SLC39A11: variants seen among roughly 807,000 people sequenced by gnomAD.
SLC39A11 encodes the protein solute carrier family 39 member 11.
A neutral mutation model predicts 36.1 loss-of-function variants in SLC39A11; 33 were observed. That is an observed-to-expected ratio of 0.91 (90% CI 0.69 to 1.22). SLC39A11 has a LOEUF of 1.22. SLC39A11 is among the 50% of genes most tolerant of loss of function. The pLI is 0.00. For synonymous variants in SLC39A11, 166 were observed against 170.3 expected, an observed-to-expected ratio of 0.97 and a Z score of 0.20; for missense variants, 432 against 430.3, an observed-to-expected ratio of 1.00 and a Z score of -0.03.
rs56021607 is a variant in SLC39A11 at position 73,062,475 on chromosome 17, A to AAAAAAACAAAAAAAAAAAAAC, written c.147+22332_147+22333insGTTTTTTTTTTTTTGTTTTTT. ...AGAGCTTGTCTCAAAAAAAAAAAAA[A>AAAAAAACAAAAAAAAAAAAAC]AAACTTTAGGTGATACACTTCTGCT... On this transcript the variant is annotated intron_variant, in intron 3 of 9. Coordinates refer to ENST00000255559, the MANE Select transcript of SLC39A11 (RefSeq NM_139177.4). Among the ~76,000 whole-genome samples the AAAAAAACAAAAAAAAAAAAAC allele has an allele frequency of 9.2e-4, 80 of 87,046 alleles. 9 individuals are homozygous for AAAAAAACAAAAAAAAAAAAAC. The highest frequency in any genetic ancestry group is 1.5e-3 in the Non-Finnish European group (69 of 46,910). 57.1% of individuals were successfully genotyped at this position (87,046 alleles called of 152,430 possible).
At chr17:72,879,663 G>A (rs1383898089) in intron 5 of SLC39A11, among the ~76,000 whole-genome samples, 1 of 152,196 alleles carries the variant, frequency 6.6e-6, no homozygotes, top group Admixed American at 6.5e-5. Context: ...ATTATAGTTA[G>A]GCATGACCAG....
intron 4 of SLC39A11, among the ~76,000 whole-genome samples, chr17:73,029,574 C>A (rs189720942): frequency 6.6e-6 from 1 of 151,876 alleles, no homozygotes; most frequent in Admixed American, 6.6e-5. Context: ...GAGACAGACA[C>A]GGCCACTCAA....
chr17:72,948,063 T>C (rs2085549536), intron 4 of SLC39A11, among the ~76,000 whole-genome samples, 188 bp from the exon 5 acceptor site: 1 of 152,164 alleles, frequency 6.6e-6, no homozygotes, highest in Non-Finnish European at 1.5e-5. Context: ...TTTCCAGGTA[T>C]AGGACTTTAG....
chr17:72,900,136 AAGAAAAAG>A (rs1343353936), intron 5 of SLC39A11, among the ~76,000 whole-genome samples: 970 of 93,660 alleles, frequency 0.01, 183 homozygotes, highest in African/African-American at 0.071. Context: ...GAAAGAAAGA[AAGAAAAAG>A]AAAGAAAGAA....
At position 73,056,224 on chromosome 17, in the gene SLC39A11, A is replaced by G. The variant is rs1403279332; in HGVS notation, c.148-24510T>C. Among the ~76,000 whole-genome samples, 6 of 151,672 alleles carry G rather than the reference A, an allele frequency of 4.0e-5. No individual in the cohort carries two copies. In the East Asian group the frequency reaches 1.2e-3, roughly 30 times the overall value. ...CGCTCTGTCACCCAGGCTGGAGTACAGTGGAATAATCTTGGCTCAATGTAA... is the reference window on the plus strand; with the variant it reads ...CGCTCTGTCACCCAGGCTGGAGTACGGTGGAATAATCTTGGCTCAATGTAA... On this transcript the variant is annotated intron_variant, in intron 3 of 9. Coordinates refer to ENST00000255559, the MANE Select transcript of SLC39A11 (RefSeq NM_139177.4).
At chr17:72,815,488 G>A (rs1472987084) in intron 6 of SLC39A11, among the ~76,000 whole-genome samples, 2 of 152,036 alleles carry the variant, frequency 1.3e-5, no homozygotes, top group Non-Finnish European at 2.9e-5. Context: ...ATGGTGGCAG[G>A]TGCCTGTAAT....
At chr17:72,676,031 G>C (rs1033616760) in intron 7 of SLC39A11, among the ~76,000 whole-genome samples, 14 of 150,970 alleles carry the variant, frequency 9.3e-5, no homozygotes, top group Admixed American at 3.3e-4. Context: ...CTAAAGGTGG[G>C]TTACAAGCCC....
intron 6 of SLC39A11, among the ~76,000 whole-genome samples, chr17:72,815,061 G>C (rs1298694620): frequency 6.6e-6 from 1 of 152,182 alleles, no homozygotes; most frequent in Admixed American, 6.5e-5. Flanking sequence ...AGGCTGCCAA[G>C]GCTAAAGCAA....
At chr17:72,682,015 C>T (rs2071529860) in intron 7 of SLC39A11, among the ~76,000 whole-genome samples, 1 of 152,086 alleles carries the variant, frequency 6.6e-6, no homozygotes, top group Non-Finnish European at 1.5e-5. Flanking sequence ...CCCCATCACT[C>T]ACATTACCAC....
rs956859561 is a variant in SLC39A11, at chr17:72,648,971, G to A, written c.771-10C>T. 1.2e-6 allele frequency: 2 copies of A among 1,608,162 alleles called. No individual in the cohort carries two copies. Among genetic ancestry groups the A allele is most frequent in the African/African-American group, 1.3e-5 (1 of 74,896 alleles). On this transcript the variant is annotated splice_polypyrimidine_tract_variant and intron_variant, in intron 8 of 9. Transcript: ENST00000255559. ...GCTCAGCTGCCCATACCTAAGGAGAGAACAGAGACATTTACCACCGCAGGG... is the reference window on the plus strand; with the variant it reads ...GCTCAGCTGCCCATACCTAAGGAGAAAACAGAGACATTTACCACCGCAGGG...
intron 5 of SLC39A11, among the ~76,000 whole-genome samples, chr17:72,863,177 C>T (rs2080131395): frequency 6.6e-6 from 1 of 152,130 alleles, no homozygotes; most frequent in Non-Finnish European, 1.5e-5. Flanking sequence ...GGACCTCTTG[C>T]TAACTGTTTA....
At chr17:72,710,990 C>T (rs2073085582) in intron 7 of SLC39A11, among the ~76,000 whole-genome samples, 1 of 152,178 alleles carries the variant, frequency 6.6e-6, no homozygotes, top group African/African-American at 2.4e-5. Context: ...CCTTTTAAAG[C>T]CCTTTAGTGT....
At chr17:73,082,876 C>T (rs926369071) in intron 3 of SLC39A11, among the ~76,000 whole-genome samples, 1 of 151,758 alleles carries the variant, frequency 6.6e-6, no homozygotes, top group African/African-American at 2.4e-5. Context: ...ATTAGCCAGG[C>T]GTGGTGGTGC....
chr17:73,036,541 T>C (rs371400379), intron 3 of SLC39A11, among the ~76,000 whole-genome samples: 1 of 152,058 alleles, frequency 6.6e-6, no homozygotes, highest in Non-Finnish European at 1.5e-5. Context: ...CTGCCTCCCA[T>C]GTTCAAGTAA....
At chr17:72,954,300 T>G (rs557789989) in intron 4 of SLC39A11, among the ~76,000 whole-genome samples, 1 of 152,302 alleles carries the variant, frequency 6.6e-6, no homozygotes, top group East Asian at 1.9e-4. Flanking sequence ...AGGAAGGCAG[T>G]CTCTTTAATT....
At chr17:73,008,160 T>TG (rs1568114141) in intron 4 of SLC39A11, among the ~76,000 whole-genome samples, 5 of 76,930 alleles carry the variant, frequency 6.5e-5, no homozygotes, top group African/African-American at 1.5e-4. Flanking sequence ...TGTTGTTTTT[T>TG]TTTTGTTTTT....
chr17:72,973,682 C>T (rs972107403), intron 4 of SLC39A11, among the ~76,000 whole-genome samples: 1 of 152,066 alleles, frequency 6.6e-6, no homozygotes, highest in Non-Finnish European at 1.5e-5. Context: ...CTTCAGCTTC[C>T]CAAGTAGCTG....
chr17:73,063,040 G>A (rs924412784), intron 3 of SLC39A11, among the ~76,000 whole-genome samples: 1 of 152,116 alleles, frequency 6.6e-6, no homozygotes, highest in Admixed American at 6.5e-5. Flanking sequence ...GGGCCTGCTG[G>A]GGGTTGGGGG....
intron 3 of SLC39A11, among the ~76,000 whole-genome samples, chr17:73,061,604 G>T (rs534171605): frequency 6.6e-6 from 1 of 152,266 alleles, no homozygotes; most frequent in South Asian, 2.1e-4. Flanking sequence ...AATAAAACTT[G>T]TACTTGAAAG....
Sources: gnomAD v4.1 joint callset for allele counts (sites outside exome capture counted in the v4.1 genomes callset) on GRCh38, gnomAD v4.1.1 for gene constraint, MANE v1.5 for transcripts, NCBI Gene and HGNC (gene_info 2026-07-23, HGNC 2026-07-21) for gene names.